The following SLC24A3 variants were observed in gnomAD, a reference collection of about 807,000 sequenced individuals.
The protein encoded by SLC24A3 is solute carrier family 24 member 3.
Under a neutral mutation model 75.8 loss-of-function variants are expected in SLC24A3, and 28 were observed. The ratio of observed to expected loss-of-function variants is 0.37; its 90% CI spans 0.27 to 0.51. SLC24A3 has a LOEUF of 0.51. Ranked by LOEUF, SLC24A3 falls within the 20% of genes least tolerant of loss-of-function variation. SLC24A3 has a pLI of 0.94. For synonymous variants in SLC24A3, 372 were observed against 334.1 expected (o/e 1.11, Z -1.24); for missense variants, 663 against 847.8 (o/e 0.78, Z 2.71).
chr20:19,564,864 A>G (rs2030930194), intron 3 of SLC24A3, among the ~76,000 whole-genome samples: 1 of 152,198 alleles, frequency 6.6e-6, no homozygotes. Context: ...CTACCATATT[A>G]TCTTCTCACT....
At chr20:19,571,909 T>C (rs1397531068) in intron 3 of SLC24A3, among the ~76,000 whole-genome samples, 1 of 152,208 alleles carries the variant, frequency 6.6e-6, no homozygotes, top group Non-Finnish European at 1.5e-5. Flanking sequence ...CACTCCCCTC[T>C]TGTTTTAATG....
At chr20:19,262,797 G>A (rs547992938) in intron 1 of SLC24A3, among the ~76,000 whole-genome samples, 1 of 152,136 alleles carries the variant, frequency 6.6e-6, no homozygotes, top group African/African-American at 2.4e-5. Context: ...TTGCTCTTAC[G>A]ATTATTTCTG....
At chr20:19,344,201 T>A (rs571169842) in intron 2 of SLC24A3, among the ~76,000 whole-genome samples, 49 of 152,356 alleles carry the variant, frequency 3.2e-4, no homozygotes, top group Admixed American at 2.5e-3. Context: ...ATTCATTTTT[T>A]AAAATGTGTT....
At chr20:19,238,669 CAA>C (rs1034594402) in intron 1 of SLC24A3, among the ~76,000 whole-genome samples, 26 of 152,260 alleles carry the variant, frequency 1.7e-4, no homozygotes, top group African/African-American at 5.5e-4. Flanking sequence ...GCCAAGAGAC[CAA>C]GAGAGAGTCC....
At chr20:19,264,744 A>T (rs903445394) in intron 1 of SLC24A3, among the ~76,000 whole-genome samples, 1 of 148,580 alleles carries the variant, frequency 6.7e-6, no homozygotes, top group Admixed American at 6.8e-5. Flanking sequence ...AAAAAAAAAA[A>T]ACAAAACAAA....
intron 2 of SLC24A3, among the ~76,000 whole-genome samples, chr20:19,444,013 T>C (rs1484411159): frequency 6.6e-6 from 1 of 152,208 alleles, no homozygotes; most frequent in Non-Finnish European, 1.5e-5. Flanking sequence ...CCTCTATCCT[T>C]AGTTTCCTGA....
At chr20:19,635,741 G>A (rs561350373) in intron 6 of SLC24A3, among the ~76,000 whole-genome samples, 1 of 152,306 alleles carries the variant, frequency 6.6e-6, no homozygotes, top group East Asian at 1.9e-4. Flanking sequence ...GAGCACCTTT[G>A]TATGTTCACT....
At chr20:19,638,127 T>G (rs1568681377) in intron 6 of SLC24A3, among the ~76,000 whole-genome samples, 2 of 151,984 alleles carry the variant, frequency 1.3e-5, no homozygotes, top group Non-Finnish European at 2.9e-5. Context: ...TGTGTCCATG[T>G]GTTCTCACTG....
At chr20:19,335,632 T>G (rs1250154724) in intron 2 of SLC24A3, among the ~76,000 whole-genome samples, 1 of 152,216 alleles carries the variant, frequency 6.6e-6, no homozygotes, top group Non-Finnish European at 1.5e-5. Flanking sequence ...TTAGGCAATT[T>G]TGCCTAGTCC....
chr20:19,539,718 A>C (rs569034138), intron 3 of SLC24A3, among the ~76,000 whole-genome samples: 2 of 152,334 alleles, frequency 1.3e-5, no homozygotes, highest in Admixed American at 1.3e-4. Flanking sequence ...ATCAAGTTTC[A>C]TGTGACACAG....
rs192495279 is a variant in SLC24A3, at chr20:19,648,513, G to A, written c.613-5549G>A. ...ATATTTGTGCCTTTTTAAATGTGCC[G>A]GTAATGTCAGGTTATATTGTTCATC... On this transcript the variant is annotated intron_variant, in intron 6 of 16. Transcript: ENST00000328041. 9.3e-5 allele frequency among the ~76,000 whole-genome samples: 14 copies of A among 151,018 alleles called. No homozygotes were observed. The East Asian group carries it at 1.9e-3, about 21-fold the overall frequency.
Position 19,212,894 on chromosome 20 carries a change from C to T in SLC24A3, c.52C>T (p.Arg18Cys). The T allele has an allele frequency of 4.6e-6, 6 of 1,313,728 alleles. No homozygotes were observed. Among genetic ancestry groups the T allele is most frequent in the Admixed American group, 2.9e-5 (1 of 34,204 alleles). The allele number at this position is 1,313,728 out of a possible 1,614,324, so 81.4% of individuals were successfully genotyped here. A position where few individuals can be genotyped will look rare whatever the true frequency, so the allele number is the denominator to read the frequency against. The change falls in exon 1 of 17, where the codon CGC becomes TGC. Residue 18 changes from arginine to cysteine, a missense_variant. By Grantham distance (180) the Arg-to-Cys change is radical (BLOSUM62 -3). This residue lies in a region of SLC24A3 where 153 missense variants were observed against 144.2 expected (regional missense o/e 1.06). Transcript: ENST00000328041. ...DRARRRRRRR[R>C]RRDLLLSQLC... ...CGCGCGTCGCCGCCGCCGCCGCCGC[C>T]GCCGGAGGGACCTTCTGCTGAGCCA...
At chr20:19,429,750 A>AGGGTAGCAG (rs1455598693) in intron 2 of SLC24A3, among the ~76,000 whole-genome samples, 5 of 152,290 alleles carry the variant, frequency 3.3e-5, no homozygotes, top group Non-Finnish European at 7.4e-5. Flanking sequence ...CTGTGCTCCT[A>AGGGTAGCAG]GGGTAGCAGG....
intron 3 of SLC24A3, among the ~76,000 whole-genome samples, chr20:19,534,841 C>T (rs1600270055): frequency 6.6e-6 from 1 of 152,110 alleles, no homozygotes; most frequent in East Asian, 1.9e-4. Context: ...CCAGCATTTT[C>T]CAAACTGTTT....
intron 2 of SLC24A3, chr20:19,354,998 G>A (rs1600444838): frequency 6.6e-6 from 1 of 152,248 alleles, no homozygotes; most frequent in East Asian, 1.9e-4. Context: ...CACCTTCTTG[G>A]TGGCCTCTTA....
At chr20:19,472,083 A>C (rs977910944) in intron 2 of SLC24A3, among the ~76,000 whole-genome samples, 2 of 151,600 alleles carry the variant, frequency 1.3e-5, no homozygotes, top group African/African-American at 4.9e-5. Flanking sequence ...GAAGTTCTTA[A>C]TTTGGGGTCC....
chr20:19,623,259 T>A (rs1034043759), intron 6 of SLC24A3, among the ~76,000 whole-genome samples: 1 of 152,176 alleles, frequency 6.6e-6, no homozygotes, highest in Non-Finnish European at 1.5e-5. Context: ...GGCCCATGTG[T>A]CTATTGCCTA....
intron 3 of SLC24A3, among the ~76,000 whole-genome samples, chr20:19,577,383 G>T (rs903939345): frequency 6.6e-6 from 1 of 152,078 alleles, no homozygotes; most frequent in East Asian, 1.9e-4. Context: ...AAGCCCATTG[G>T]CAAATAATTT....
intron 2 of SLC24A3, among the ~76,000 whole-genome samples, chr20:19,392,972 A>T (rs2122391474): frequency 6.6e-6 from 1 of 152,250 alleles, no homozygotes; most frequent in East Asian, 1.9e-4. Flanking sequence ...CAGAACAAAA[A>T]TATACCTCAC....
Sources: allele counts gnomAD v4.1 joint callset (sites outside exome capture counted in the v4.1 genomes callset), GRCh38; gene constraint gnomAD v4.1.1; regional missense constraint gnomAD v4.1.1; transcripts MANE v1.5; gene names NCBI Gene and HGNC (gene_info 2026-07-23, HGNC 2026-07-21).